SULF1: variants seen among roughly 807,000 people sequenced by gnomAD.
The protein encoded by SULF1 is sulfatase 1.
SULF1 carries 46 observed loss-of-function variants against 110.5 expected under a neutral mutation model. That is an observed-to-expected ratio of 0.42 (90% confidence interval 0.33 to 0.53). SULF1 has a LOEUF of 0.53. SULF1 is among the 20% of genes least tolerant of loss of function. The pLI is 0.12. For synonymous variants in SULF1, 371 were observed against 387.1 expected, an observed-to-expected ratio of 0.96 and a Z score of 0.49; for missense variants, 941 against 1,094.2, an observed-to-expected ratio of 0.86 and a Z score of 1.98.
At chr8:69,477,828 C>T (rs975834399) in intron 1 of SULF1, among the ~76,000 whole-genome samples, 1 of 152,120 alleles carries the variant, frequency 6.6e-6, no homozygotes, top group Non-Finnish European at 1.5e-5. Context: ...TCTGCTCTTC[C>T]TTTAAGACAA....
chr8:69,551,362 T>C (rs920190036), intron 3 of SULF1, among the ~76,000 whole-genome samples: 2 of 152,176 alleles, frequency 1.3e-5, no homozygotes, highest in African/African-American at 4.8e-5. Context: ...GCAACCTTAC[T>C]CCTTCAGACA....
chr8:69,599,349 G>A (rs994159843), intron 8 of SULF1, among the ~76,000 whole-genome samples: 2 of 152,088 alleles, frequency 1.3e-5, no homozygotes, highest in Non-Finnish European at 2.9e-5. Context: ...GTAAAGTTGT[G>A]GTTCTTATTA....
chr8:69,650,016 G>C (rs11984779), intron 22 of SULF1, among the ~76,000 whole-genome samples: 2 of 74,568 alleles, frequency 2.7e-5, no homozygotes, highest in Non-Finnish European at 4.9e-5. Context: ...TTTTGTCTGA[G>C]ACACGGTCTT....
At chr8:69,541,385 T>C (rs1274588970) in intron 3 of SULF1, among the ~76,000 whole-genome samples, 1 of 152,142 alleles carries the variant, frequency 6.6e-6, no homozygotes, top group Non-Finnish European at 1.5e-5. Flanking sequence ...AAAGAGCATC[T>C]AACTCCCATC....
chr8:69,563,968 C>G lies in SULF1; in HGVS notation c.-8C>G, dbSNP rs1034396235. On this transcript the variant is annotated 5_prime_UTR_variant, in exon 5 of 23. Coordinates refer to ENST00000402687, the MANE Select transcript of SULF1 (RefSeq NM_001128205.2). ...TTTTGTCAGTTTTGCAACATTGGACCAAATACAATGAAGTATTCTTGCTGT... is the reference window on the plus strand; with the variant it reads ...TTTTGTCAGTTTTGCAACATTGGACGAAATACAATGAAGTATTCTTGCTGT... 4.3e-6 allele frequency: 7 copies of G among 1,613,270 alleles called. No homozygotes were observed. Among genetic ancestry groups the G allele is most frequent in the East Asian group, 2.2e-5 (1 of 44,886 alleles).
chr8:69,550,081 C>T (rs981696236), intron 3 of SULF1, among the ~76,000 whole-genome samples: 4 of 151,536 alleles, frequency 2.6e-5, no homozygotes, highest in African/African-American at 9.7e-5. Flanking sequence ...CCCAAAATTT[C>T]TCCCCATTAA....
chr8:69,599,676 A>G (rs1482755432), intron 8 of SULF1, among the ~76,000 whole-genome samples: 5 of 152,234 alleles, frequency 3.3e-5, no homozygotes, highest in Non-Finnish European at 7.3e-5. Flanking sequence ...AGAAGATTCA[A>G]GTAGATTATA....
intron 3 of SULF1, among the ~76,000 whole-genome samples, chr8:69,526,397 A>G (rs1377158290): frequency 1.3e-5 from 2 of 152,082 alleles, no homozygotes; most frequent in Non-Finnish European, 2.9e-5. Flanking sequence ...TGTTCAAATG[A>G]CTGACTTTTT....
At chr8:69,583,658 A>G (rs1009930258) in intron 6 of SULF1, among the ~76,000 whole-genome samples, 7 of 152,236 alleles carry the variant, frequency 4.6e-5, no homozygotes, top group Non-Finnish European at 8.8e-5. Flanking sequence ...CATTGGATTC[A>G]TGAACCCAAA....
At chr8:69,558,077 G>T (rs746986675) in intron 3 of SULF1, among the ~76,000 whole-genome samples, 2 of 152,128 alleles carry the variant, frequency 1.3e-5, no homozygotes, top group African/African-American at 2.4e-5. Context: ...TAGCTTTTTC[G>T]TGGATTCATG....
chr8:69,582,800 C>T (rs1303682582), intron 6 of SULF1, among the ~76,000 whole-genome samples: 2 of 152,040 alleles, frequency 1.3e-5, no homozygotes, highest in Admixed American at 6.5e-5. Flanking sequence ...TGGAAACAAT[C>T]GCTTTTGAAC....
chr8:69,618,334 G>A (rs893485744), intron 13 of SULF1, among the ~76,000 whole-genome samples: 1 of 152,168 alleles, frequency 6.6e-6, no homozygotes, highest in Non-Finnish European at 1.5e-5. Flanking sequence ...AGATGATTTC[G>A]TCTGTATTGA....
At chr8:69,538,542 G>T (rs1813625647) in intron 3 of SULF1, among the ~76,000 whole-genome samples, 1 of 152,068 alleles carries the variant, frequency 6.6e-6, no homozygotes, top group African/African-American at 2.4e-5. Flanking sequence ...AAGGCGAGGG[G>T]GAGTACTTGC....
At chr8:69,615,586 G>A (rs899517661) in intron 13 of SULF1, among the ~76,000 whole-genome samples, 1 of 152,024 alleles carries the variant, frequency 6.6e-6, no homozygotes, top group Non-Finnish European at 1.5e-5. Flanking sequence ...ATGTATATAT[G>A]TAGTATGTAT....
Position 69,549,835 on chromosome 8 carries a change from C to T in SULF1, c.-133-13704C>T, listed in dbSNP as rs555136164. On this transcript the variant is annotated intron_variant, in intron 3 of 22. Coordinates refer to ENST00000402687, the MANE Select transcript of SULF1 (RefSeq NM_001128205.2). The stretch of plus-strand genomic sequence containing the variant: ...GCTAAATACAAATAGAGGAGACCCT[C>T]GAATTCATGGAGCTGTGACTCGTGG... Among the ~76,000 whole-genome samples, 34 of 152,182 alleles carry T rather than the reference C, an allele frequency of 2.2e-4. No individual in the cohort carries two copies. In the South Asian group the frequency reaches 6.2e-3, roughly 28 times the overall value.
At chr8:69,510,662 A>G (rs1811495317) in intron 3 of SULF1, among the ~76,000 whole-genome samples, 1 of 147,722 alleles carries the variant, frequency 6.8e-6, no homozygotes, top group African/African-American at 2.5e-5. Flanking sequence ...TGTCACCCAC[A>G]CTGCAGTGCA....
intron 8 of SULF1, among the ~76,000 whole-genome samples, chr8:69,595,582 A>G (rs904938450): frequency 1.3e-5 from 2 of 152,178 alleles, no homozygotes; most frequent in South Asian, 2.1e-4. Flanking sequence ...AGAATTTCCA[A>G]TGTAATGCTT....
At chr8:69,577,424 T>C (rs916018173) in intron 6 of SULF1, among the ~76,000 whole-genome samples, 12 of 152,172 alleles carry the variant, frequency 7.9e-5, no homozygotes, top group African/African-American at 2.7e-4. Context: ...TCAGAGGCGG[T>C]TCCCTAATAA....
At chr8:69,613,385 G>A (rs1167412843) in intron 13 of SULF1, among the ~76,000 whole-genome samples, 1 of 149,142 alleles carries the variant, frequency 6.7e-6, no homozygotes, top group Non-Finnish European at 1.5e-5. Context: ...CATGAAAATG[G>A]ACACAAGTAG....
Sources: gnomAD v4.1 joint callset for allele counts (sites outside exome capture counted in the v4.1 genomes callset) on GRCh38, gnomAD v4.1.1 for gene constraint, MANE v1.5 for transcripts, NCBI Gene and HGNC (gene_info 2026-07-23, HGNC 2026-07-21) for gene names.